CCNY: variants seen among roughly 807,000 people sequenced by gnomAD.
CCNY encodes cyclin-Y.
CCNY carries 19 observed loss-of-function variants against 42.8 expected under a neutral mutation model. The observed-to-expected ratio is 0.44, with a 90% CI of 0.31 to 0.65. The LOEUF (loss-of-function observed/expected upper bound fraction) is 0.65. Among genes scored for constraint, CCNY ranks in the 30% least tolerant of loss-of-function variants. CCNY has a pLI of 0.07. For missense variants in CCNY, 370 were observed against 437.3 expected (o/e 0.85, Z 1.37); for synonymous variants, 165 against 162.7 (o/e 1.01, Z -0.11).
At chr10:35,406,213 A>ATTTT (rs1837761706) in intron 1 of CCNY, among the ~76,000 whole-genome samples, 1 of 124,086 alleles carries the variant, frequency 8.1e-6, no homozygotes, top group Non-Finnish European at 1.7e-5. Flanking sequence ...TTATTTATTT[A>ATTTT]TTTATTTATT....
intron 3 of CCNY, among the ~76,000 whole-genome samples, chr10:35,258,843 A>G (rs1396180840): frequency 6.6e-6 from 1 of 151,822 alleles, no homozygotes; most frequent in Non-Finnish European, 1.5e-5. Flanking sequence ...AGGCTGAGGC[A>G]GGAGAATGAT....
intron 3 of CCNY, among the ~76,000 whole-genome samples, chr10:35,319,757 T>A (rs1421660485): frequency 6.6e-6 from 1 of 151,912 alleles, no homozygotes; most frequent in South Asian, 2.1e-4. Flanking sequence ...GGGACCAGCC[T>A]GGCCAACATA....
chr10:35,566,419 A>G (rs1841573433), intron 9 of CCNY: 2 of 435,630 alleles, frequency 4.6e-6, no homozygotes, highest in Non-Finnish European at 8.1e-6. Flanking sequence ...ATCTTGGCCC[A>G]TTGCAGTCTC....
At chr10:35,444,714 G>A (rs1305829670) in intron 1 of CCNY, among the ~76,000 whole-genome samples, 5 of 152,220 alleles carry the variant, frequency 3.3e-5, no homozygotes, top group East Asian at 1.9e-4. Flanking sequence ...TGACCAAAAC[G>A]TTACGCAGTG....
chr10:35,290,798 C>A (rs138403456), intron 3 of CCNY, among the ~76,000 whole-genome samples: 2 of 151,490 alleles, frequency 1.3e-5, no homozygotes, highest in African/African-American at 2.4e-5. Flanking sequence ...CCTGTCTATA[C>A]GAAAAAATAA....
intron 1 of CCNY, among the ~76,000 whole-genome samples, chr10:35,465,224 G>A (rs1234194573): frequency 1.3e-5 from 2 of 152,062 alleles, no homozygotes; most frequent in Non-Finnish European, 2.9e-5. Flanking sequence ...ATGGTAGGGC[G>A]AGTACTGTTC....
At chr10:35,556,445 C>T (rs547036678) in intron 8 of CCNY, among the ~76,000 whole-genome samples, 55 of 152,240 alleles carry the variant, frequency 3.6e-4, no homozygotes, top group South Asian at 6.2e-4. Context: ...ATATTTTATT[C>T]TACTGTTTGT....
intron 1 of CCNY, among the ~76,000 whole-genome samples, chr10:35,397,672 T>G (rs1432436299): frequency 6.6e-6 from 1 of 152,166 alleles, no homozygotes; most frequent in African/African-American, 2.4e-5. Context: ...GAACTTGGGC[T>G]AGGAGCAGCA....
chr10:35,468,638 C>G (rs932849911), intron 1 of CCNY, among the ~76,000 whole-genome samples: 1 of 152,102 alleles, frequency 6.6e-6, no homozygotes, highest in African/African-American at 2.4e-5. Flanking sequence ...AGTCATGAGA[C>G]TATTTTTTCC....
chr10:35,267,164 C>T (rs942593718), intron 3 of CCNY, among the ~76,000 whole-genome samples: 6 of 151,210 alleles, frequency 4.0e-5, no homozygotes, highest in African/African-American at 7.3e-5. Flanking sequence ...CATTCCAGGA[C>T]GGGTGCAGAG....
At chr10:35,263,836 C>T (rs765588621) in intron 3 of CCNY, among the ~76,000 whole-genome samples, 1 of 152,162 alleles carries the variant, frequency 6.6e-6, no homozygotes, top group Non-Finnish European at 1.5e-5. Context: ...GATGCTTTTC[C>T]TACTCCCCCA....
chr10:35,331,031 T>A (rs1335631470), intron 3 of CCNY, among the ~76,000 whole-genome samples: 1 of 152,244 alleles, frequency 6.6e-6, no homozygotes, highest in Non-Finnish European at 1.5e-5. Flanking sequence ...AGTGCTAGGA[T>A]TACAGGCGTG....
chr10:35,455,939 A>G (rs1197601120), intron 1 of CCNY, among the ~76,000 whole-genome samples: 2 of 151,292 alleles, frequency 1.3e-5, no homozygotes, highest in Non-Finnish European at 2.9e-5. Flanking sequence ...CCACCTTAGC[A>G]TCCCAAAGTG....
At chr10:35,462,397 T>C (rs1839175374) in intron 1 of CCNY, among the ~76,000 whole-genome samples, 1 of 152,218 alleles carries the variant, frequency 6.6e-6, no homozygotes, top group African/African-American at 2.4e-5. Flanking sequence ...TTAGCATCTC[T>C]GCATCTTCAC....
intron 3 of CCNY, among the ~76,000 whole-genome samples, chr10:35,307,760 A>G (rs746606436): frequency 3.4e-4 from 39 of 116,160 alleles, no homozygotes; most frequent in South Asian, 8.4e-4. Context: ...ATGTGTATAT[A>G]TGTGTGTGTG....
At chr10:35,553,274 A>G (rs541223437) in intron 8 of CCNY, 89 bp downstream of exon 8, 2 of 1,297,618 alleles carry the variant, frequency 1.5e-6, no homozygotes, top group East Asian at 2.4e-5. Context: ...TGGTCTGTAT[A>G]GCGCAGAATG....
intron 3 of CCNY, among the ~76,000 whole-genome samples, chr10:35,510,936 T>A (rs1840313349): frequency 6.6e-6 from 1 of 152,238 alleles, no homozygotes; most frequent in African/African-American, 2.4e-5. Flanking sequence ...AGCCAAGCAC[T>A]GGGCTTTCTG....
intron 4 of CCNY, among the ~76,000 whole-genome samples, chr10:35,518,760 G>A (rs185608859): frequency 7.4e-6 from 1 of 135,136 alleles, no homozygotes; most frequent in East Asian, 2.2e-4. Context: ...ATTTGGATTT[G>A]TAACAGCTCT....
At chr10:35,559,347 A>G (rs1361641361) in intron 8 of CCNY, among the ~76,000 whole-genome samples, 1 of 152,248 alleles carries the variant, frequency 6.6e-6, no homozygotes, top group Non-Finnish European at 1.5e-5. Context: ...GGAGATTTCC[A>G]TGCACAGTGT....
Sources: gnomAD v4.1 joint callset for allele counts (sites outside exome capture counted in the v4.1 genomes callset) on GRCh38, gnomAD v4.1.1 for gene constraint, MANE v1.5 for transcripts, NCBI Gene and HGNC (gene_info 2026-07-23, HGNC 2026-07-21) for gene names.